The following NAALADL2 variants were observed in gnomAD, a reference collection of about 807,000 sequenced individuals.
NAALADL2 encodes the protein N-acetylated alpha-linked acidic dipeptidase like 2, also known as inactive N-acetylated-alpha-linked acidic dipeptidase-like protein 2.
In NAALADL2, 76 loss-of-function variants were observed where a neutral mutation model predicts 87.2. The observed-to-expected ratio is 0.87, with a 90% CI of 0.72 to 1.05. The LOEUF is 1.05. Ranked by LOEUF, NAALADL2 falls within the 50% of genes least tolerant of loss-of-function variation. The pLI is 0.00. For missense variants in NAALADL2, 1,089 were observed against 945.8 expected, an observed-to-expected ratio of 1.15 and a Z score of -1.99; for synonymous variants, 354 against 331.0, an observed-to-expected ratio of 1.07 and a Z score of -0.75.
At chr3:174,643,800 A>G (rs1368794574) in intron 2 of NAALADL2, among the ~76,000 whole-genome samples, 1 of 152,210 alleles carries the variant, frequency 6.6e-6, no homozygotes, top group Admixed American at 6.5e-5. Flanking sequence ...TTTACATACA[A>G]CAGTGAAGTC....
At chr3:175,718,933 G>A (rs986933364) in intron 11 of NAALADL2, among the ~76,000 whole-genome samples, 1 of 152,100 alleles carries the variant, frequency 6.6e-6, no homozygotes, top group African/African-American at 2.4e-5. Flanking sequence ...TTATTTTGGT[G>A]TAAACCTAAT....
intron 11 of NAALADL2, among the ~76,000 whole-genome samples, chr3:175,712,925 G>A (rs1561019174): frequency 6.6e-6 from 1 of 152,026 alleles, no homozygotes. Context: ...GAGATTTGGG[G>A]GGTTAGATTG....
chr3:174,479,243 C>A, intron 1 of NAALADL2, among the ~76,000 whole-genome samples: 1 of 152,186 alleles, frequency 6.6e-6, no homozygotes, highest in East Asian at 1.9e-4. Context: ...GTTTTATTCC[C>A]TCCTAGCCTC....
At chr3:174,742,067 T>TAC (rs1733816871) in intron 3 of NAALADL2, among the ~76,000 whole-genome samples, 1 of 151,754 alleles carries the variant, frequency 6.6e-6, no homozygotes, top group Admixed American at 6.6e-5. Flanking sequence ...TTCAAGGTGG[T>TAC]ACTGATGTAA....
intron 11 of NAALADL2, among the ~76,000 whole-genome samples, chr3:175,652,571 C>T (rs1240062279): frequency 2.6e-5 from 4 of 150,982 alleles, no homozygotes; most frequent in Non-Finnish European, 5.9e-5. Context: ...CTCCGCCTCC[C>T]GGGTTCACGC....
intron 4 of NAALADL2, among the ~76,000 whole-genome samples, chr3:175,294,047 G>A (rs1755998277): frequency 6.6e-6 from 1 of 152,024 alleles, no homozygotes; most frequent in African/African-American, 2.4e-5. Context: ...CGAGCAGGCG[G>A]GTTACAACAG....
chr3:175,666,531 T>A (rs1733019434), intron 11 of NAALADL2, among the ~76,000 whole-genome samples: 1 of 152,182 alleles, frequency 6.6e-6, no homozygotes, highest in African/African-American at 2.4e-5. Flanking sequence ...ATCGTGTGCA[T>A]ATCCAGGCAC....
chr3:174,702,022 C>T (rs1445137276), intron 2 of NAALADL2, among the ~76,000 whole-genome samples: 1 of 152,106 alleles, frequency 6.6e-6, no homozygotes, highest in Non-Finnish European at 1.5e-5. Context: ...GTAGTTGTAC[C>T]ATTTTCATTC....
intron 2 of NAALADL2, among the ~76,000 whole-genome samples, chr3:174,645,818 G>A (rs1221060402): frequency 1.3e-5 from 2 of 152,058 alleles, no homozygotes; most frequent in Non-Finnish European, 2.9e-5. Flanking sequence ...AGTTTAGGAT[G>A]GATTCAGAAT....
chr3:175,234,936 G>C (rs1022426205), intron 3 of NAALADL2: 25 of 152,128 alleles, frequency 1.6e-4, no homozygotes, highest in Non-Finnish European at 2.8e-4. Flanking sequence ...TAGGAGGACA[G>C]AGCATAGCCT....
At chr3:175,536,796 A>C (rs1248978867) in intron 9 of NAALADL2, among the ~76,000 whole-genome samples, 1 of 152,172 alleles carries the variant, frequency 6.6e-6, no homozygotes, top group African/African-American at 2.4e-5. Flanking sequence ...TACAGGCGTG[A>C]GACGCAAACC....
At chr3:175,262,627 G>A (rs1382266894) in intron 4 of NAALADL2, among the ~76,000 whole-genome samples, 2 of 150,232 alleles carry the variant, frequency 1.3e-5, no homozygotes, top group East Asian at 3.9e-4. Flanking sequence ...GTATGTATGA[G>A]CACTGATATG....
chr3:175,713,239 C>A (rs1218944681), intron 11 of NAALADL2, among the ~76,000 whole-genome samples: 1 of 152,080 alleles, frequency 6.6e-6, no homozygotes, highest in Non-Finnish European at 1.5e-5. Context: ...CTTAGCAGTT[C>A]AAGACTACAA....
intron 1 of NAALADL2, among the ~76,000 whole-genome samples, chr3:174,927,448 A>G (rs548577055): frequency 9.2e-5 from 14 of 152,358 alleles, no homozygotes; most frequent in African/African-American, 3.4e-4. Flanking sequence ...AACTGACCAC[A>G]TAGTTGGAAG....
chr3:175,768,851 CAA>C (rs35173343), intron 13 of NAALADL2, among the ~76,000 whole-genome samples: 9 of 100,752 alleles, frequency 8.9e-5, no homozygotes, highest in Admixed American at 1.1e-4. Flanking sequence ...GACTTTGTCT[CAA>C]AAAAAAAAAA....
chr3:174,982,355 T>C (rs1745232321), intron 1 of NAALADL2, among the ~76,000 whole-genome samples: 1 of 151,490 alleles, frequency 6.6e-6, no homozygotes, highest in Non-Finnish European at 1.5e-5. Context: ...GCAGTATAAC[T>C]TAAAAAAAAA....
At chr3:174,812,166 G>A (rs573846316) in intron 3 of NAALADL2, among the ~76,000 whole-genome samples, 2 of 152,058 alleles carry the variant, frequency 1.3e-5, no homozygotes, top group Non-Finnish European at 2.9e-5. Context: ...AGCAGCGTGA[G>A]AATGGACAAA....
chr3:174,656,050 T>C (rs779100588), intron 2 of NAALADL2, among the ~76,000 whole-genome samples: 22 of 152,224 alleles, frequency 1.4e-4, no homozygotes, highest in Non-Finnish European at 2.5e-4. Flanking sequence ...AAATGTCTTC[T>C]AAAATATTAT....
At chr3:175,282,493 G>C (rs1362540644) in intron 4 of NAALADL2, among the ~76,000 whole-genome samples, 4 of 151,960 alleles carry the variant, frequency 2.6e-5, no homozygotes, top group African/African-American at 9.7e-5. Context: ...GAGGAAGAGG[G>C]AGGGAGTAAA....
Sources: allele counts gnomAD v4.1 joint callset (sites outside exome capture counted in the v4.1 genomes callset), GRCh38; gene constraint gnomAD v4.1.1; transcripts MANE v1.5; gene names NCBI Gene and HGNC (gene_info 2026-07-23, HGNC 2026-07-21).